The following ZNF667 variants were observed in gnomAD, a reference collection of about 807,000 sequenced individuals.
The protein encoded by ZNF667 is myocardial ischemic preconditioning upregulated 1 ortholog.
In ZNF667, 13 loss-of-function variants were observed where a neutral mutation model predicts 31.8. The ratio of observed to expected loss-of-function variants is 0.41; its 90% CI spans 0.27 to 0.65. The LOEUF (loss-of-function observed/expected upper bound fraction) is 0.65, where lower values mean the gene tolerates loss of function less well. Ranked by LOEUF, ZNF667 falls within the 30% of genes least tolerant of loss-of-function variation. The pLI is 0.32. For synonymous variants in ZNF667, 228 were observed against 247.1 expected (o/e 0.92, Z 0.73); for missense variants, 642 against 725.6 (o/e 0.88, Z 1.32).
At chr19:56,447,238 A>G (rs2042726516) in intron 6 of ZNF667, among the ~76,000 whole-genome samples, 1 of 152,196 alleles carries the variant, frequency 6.6e-6, no homozygotes, top group Non-Finnish European at 1.5e-5. Context: ...TTTGAAGTCA[A>G]ATGTAATGTC....
chr19:56,441,999 G>A lies in ZNF667; in HGVS notation c.996C>T (p.Cys332=). The change falls in exon 7 of 7, where the codon TGC becomes TGT. Residue 332 remains cysteine, a synonymous_variant. Transcript: ENST00000504904. This position sits in a 1 kb window ranked among gnomAD's most constrained non-coding sequence, Gnocchi z 4.2. ...RSHHLENPFK[C]RKCGKLFNRI... ...TATTAAATAATTTCCCACATTTTCT[G>A]CATTTAAAAGGATTCTCTAAATGGT... is the stretch of plus-strand genomic sequence containing the variant. 6.2e-7 allele frequency: 1 copy of A among 1,613,922 alleles called. No individual in the cohort carries two copies.
intron 3 of ZNF667, chr19:56,469,841 C>A: frequency 2.3e-6 from 1 of 435,334 alleles, no homozygotes; most frequent in African/African-American, 2.0e-5. Context: ...TGTTTGCTAA[C>A]TGAATGACTG....
intron 6 of ZNF667, chr19:56,449,784 AT>A (rs2042782819): frequency 6.6e-6 from 1 of 151,934 alleles, no homozygotes; most frequent in Non-Finnish European, 1.5e-5. Context: ...TTAAAAAGAC[AT>A]TGAAATAATT....
chr19:56,474,971 GAA>G (rs1401671171), intron 1 of ZNF667: 1 of 152,186 alleles, frequency 6.6e-6, no homozygotes, highest in Non-Finnish European at 1.5e-5. Flanking sequence ...TCAGTGAAGA[GAA>G]AAGTCTTTGG....
chr19:56,451,362 A>G (rs1600414832), intron 6 of ZNF667, among the ~76,000 whole-genome samples: 1 of 152,182 alleles, frequency 6.6e-6, no homozygotes, highest in East Asian at 1.9e-4. Context: ...GACAGACCAC[A>G]ATACAATAAT....
At chr19:56,447,954 C>T (rs1209709002) in intron 6 of ZNF667, among the ~76,000 whole-genome samples, 1 of 152,090 alleles carries the variant, frequency 6.6e-6, no homozygotes, top group Non-Finnish European at 1.5e-5. Flanking sequence ...CCAGCGATTG[C>T]CCCCTCTGCA....
At chr19:56,466,872 G>A (rs1048619014) in intron 3 of ZNF667, 36 of 398,654 alleles carry the variant, frequency 9.0e-5, no homozygotes, top group East Asian at 8.6e-4. Flanking sequence ...CACATTCCAG[G>A]TTTAATGACA....
At chr19:56,451,390 C>T (rs1476382024) in intron 6 of ZNF667, among the ~76,000 whole-genome samples, 2 of 151,752 alleles carry the variant, frequency 1.3e-5, no homozygotes, top group African/African-American at 4.9e-5. Context: ...GACTTAACCA[C>T]TTCATTTTCA....
chr19:56,444,617 C>T (rs570360316), intron 6 of ZNF667, among the ~76,000 whole-genome samples: 7 of 134,394 alleles, frequency 5.2e-5, no homozygotes, highest in African/African-American at 2.0e-4. Context: ...GAGAAACCCA[C>T]CCCCATGATC....
At chr19:56,465,638 G>A (rs1403931879) in intron 3 of ZNF667, among the ~76,000 whole-genome samples, 3 of 152,216 alleles carry the variant, frequency 2.0e-5, no homozygotes, top group Non-Finnish European at 4.4e-5. Context: ...ACGTCATAAG[G>A]TAGACCAGTG....
upstream of ZNF667, chr19:56,478,046 G>T (rs1174732867): frequency 6.6e-6 from 1 of 152,440 alleles, no homozygotes; most frequent in South Asian, 2.1e-4. Context: ...CACGTTTTGC[G>T]AAGAGGCCCA....
intron 6 of ZNF667, among the ~76,000 whole-genome samples, chr19:56,457,837 G>A (rs1166474020): frequency 1.3e-5 from 2 of 152,188 alleles, no homozygotes; most frequent in East Asian, 3.9e-4. Context: ...ATTAGGAGGT[G>A]GGGCCTTTGG....
intron 3 of ZNF667, chr19:56,467,760 T>C (rs1191032571): frequency 6.6e-6 from 1 of 152,184 alleles, no homozygotes; most frequent in Non-Finnish European, 1.5e-5. Context: ...TGAAGGCTAT[T>C]CCGAAGAATA....
chr19:56,463,354 G>C (rs1365787017), intron 3 of ZNF667, among the ~76,000 whole-genome samples: 1 of 152,128 alleles, frequency 6.6e-6, no homozygotes, highest in African/African-American at 2.4e-5. Flanking sequence ...GTGGAGTGGA[G>C]GAAGGAAGAT....
At chr19:56,473,420 C>T (rs535169877) in intron 2 of ZNF667, among the ~76,000 whole-genome samples, 20 of 152,198 alleles carry the variant, frequency 1.3e-4, no homozygotes, top group Non-Finnish European at 2.4e-4. Flanking sequence ...TTACTACCAC[C>T]ATCAGGAGAT....
intron 3 of ZNF667, chr19:56,468,203 C>T (rs1382750217): frequency 1.3e-5 from 2 of 152,256 alleles, no homozygotes; most frequent in Non-Finnish European, 2.9e-5. Context: ...CATTTTATTA[C>T]TAACCACGTA....
chr19:56,465,539 C>A (rs796133142), intron 3 of ZNF667, among the ~76,000 whole-genome samples: 1 of 152,242 alleles, frequency 6.6e-6, no homozygotes, highest in Admixed American at 6.5e-5. Context: ...ATTATCATTT[C>A]AATTCTCACA....
intron 3 of ZNF667, among the ~76,000 whole-genome samples, chr19:56,466,423 G>A (rs9304776): frequency 0.37 from 56,526 of 151,854 alleles, 10,941 homozygotes; most frequent in Middle Eastern, 0.52. Flanking sequence ...TGGAGTTGAG[G>A]TGGGCACATG....
intron 3 of ZNF667, among the ~76,000 whole-genome samples, chr19:56,466,058 G>A (rs1483957661): frequency 6.6e-6 from 1 of 152,232 alleles, no homozygotes; most frequent in Non-Finnish European, 1.5e-5. Flanking sequence ...TGGGCATGCT[G>A]TGTAGACAGC....
Sources: gnomAD v4.1 joint callset for allele counts (sites outside exome capture counted in the v4.1 genomes callset) on GRCh38, gnomAD v4.1.1 for gene constraint, Gnocchi (gnomAD v3.1) non-coding constraint, MANE v1.5 for transcripts, NCBI Gene and HGNC (gene_info 2026-07-23, HGNC 2026-07-21) for gene names.